RSPO2: variants seen among roughly 807,000 people sequenced by gnomAD.
RSPO2 encodes the protein R-spondin 2.
In RSPO2, 14 loss-of-function variants were observed where a neutral mutation model predicts 30.9. That is an observed-to-expected ratio of 0.45 (90% CI 0.30 to 0.71). The LOEUF (loss-of-function observed/expected upper bound fraction) is 0.71. RSPO2 is among the 30% of genes least tolerant of loss of function. The pLI, the probability that RSPO2 is intolerant of heterozygous loss-of-function variation, is 0.08. For synonymous variants in RSPO2, 107 were observed against 96.4 expected (o/e 1.11, Z -0.64); for missense variants, 264 against 301.9 (o/e 0.87, Z 0.93).
Position 108,014,906 on chromosome 8 carries a change from C to CG in RSPO2, c.95-25663dup, listed in dbSNP as rs957333009. 4.0e-5 allele frequency among the ~76,000 whole-genome samples: 6 copies of CG among 149,508 alleles called. No homozygotes were observed. In the East Asian group the frequency reaches 7.8e-4, roughly 19 times the overall value. On this transcript the variant is annotated intron_variant, in intron 2 of 5. Transcript: ENST00000276659. ...AATAAGTTAGGGATGATGGAGCATT[C>CG]GGGGGGAAAAAAGAACACTGCAGAA...
At chr8:108,020,682 T>C (rs1029330669) in intron 2 of RSPO2, among the ~76,000 whole-genome samples, 7 of 152,168 alleles carry the variant, frequency 4.6e-5, no homozygotes, top group Non-Finnish European at 8.8e-5. Context: ...GTCCTACACA[T>C]TAGGAACACA....
At chr8:107,973,287 G>C (rs1365749494) in intron 3 of RSPO2, among the ~76,000 whole-genome samples, 1 of 151,810 alleles carries the variant, frequency 6.6e-6, no homozygotes, top group East Asian at 1.9e-4. Context: ...AAAATGGGGG[G>C]GGAACTAGCC....
intron 2 of RSPO2, among the ~76,000 whole-genome samples, chr8:108,037,680 G>A (rs1811638567): frequency 6.6e-6 from 1 of 152,220 alleles, no homozygotes; most frequent in South Asian, 2.1e-4. Flanking sequence ...TGACTCTCTT[G>A]TTAGGGGCTA....
rs1814693142 is a variant in RSPO2, at chr8:107,987,673, TCCAGGTGAGAGTTCTTGTTCCC to T, written c.283+1361_283+1382del. 4.6e-5 allele frequency among the ~76,000 whole-genome samples: 7 copies of T among 152,230 alleles called. No individual in the cohort carries two copies. In the South Asian group the frequency reaches 1.4e-3, roughly 32 times the overall value. ...GCATTGCCAAAATGCCAAATAACACTCCAGGTGAGAGTTCTTGTTCCCCAAATACATTATTTTTACATATATG... is the reference window on the plus strand; with the variant it reads ...GCATTGCCAAAATGCCAAATAACACTCAAATACATTATTTTTACATATATG... On this transcript the variant is annotated intron_variant, in intron 3 of 5. Transcript: ENST00000276659.
intron 2 of RSPO2, among the ~76,000 whole-genome samples, chr8:107,992,034 G>T (rs189504297): frequency 2.6e-5 from 4 of 152,234 alleles, no homozygotes; most frequent in Non-Finnish European, 5.9e-5. Flanking sequence ...CCATTACGGG[G>T]TATATACCCA....
chr8:107,919,119 T>C (rs188095007), intron 5 of RSPO2, among the ~76,000 whole-genome samples: 1 of 152,156 alleles, frequency 6.6e-6, no homozygotes, highest in African/African-American at 2.4e-5. Flanking sequence ...TGCAAAGCAG[T>C]TTCACTCCTC....
intron 2 of RSPO2, among the ~76,000 whole-genome samples, chr8:108,040,388 G>A (rs1414414661): frequency 6.6e-6 from 1 of 151,974 alleles, no homozygotes; most frequent in Non-Finnish European, 1.5e-5. Context: ...GGGAGATGAA[G>A]AGAAAGAAAG....
At chr8:107,969,151 G>T (rs1813913469) in intron 3 of RSPO2, among the ~76,000 whole-genome samples, 1 of 152,166 alleles carries the variant, frequency 6.6e-6, no homozygotes, top group East Asian at 1.9e-4. Flanking sequence ...ATAAAAAGGG[G>T]GAAATACCTG....
chr8:107,965,889 T>C (rs545455189), intron 3 of RSPO2, among the ~76,000 whole-genome samples: 3 of 152,146 alleles, frequency 2.0e-5, no homozygotes, highest in African/African-American at 7.2e-5. Flanking sequence ...ACAATTATAC[T>C]GGAGAATGTA....
intron 5 of RSPO2, among the ~76,000 whole-genome samples, chr8:107,906,886 C>G (rs548608643): frequency 6.6e-6 from 1 of 152,012 alleles, no homozygotes; most frequent in East Asian, 1.9e-4. Context: ...ATTAACACAT[C>G]CATCACCTAA....
chr8:108,058,262 A>C (rs556975548), intron 2 of RSPO2, among the ~76,000 whole-genome samples: 3 of 152,208 alleles, frequency 2.0e-5, no homozygotes, highest in Non-Finnish European at 4.4e-5. Context: ...CTTCAAAGAA[A>C]ATAAAATACC....
chr8:107,902,686 C>A (rs1294660955), intron 5 of RSPO2, among the ~76,000 whole-genome samples: 1 of 152,068 alleles, frequency 6.6e-6, no homozygotes, highest in Non-Finnish European at 1.5e-5. Flanking sequence ...CAGGCTTACT[C>A]TTCAAGACCC....
intron 2 of RSPO2, among the ~76,000 whole-genome samples, chr8:108,069,184 G>A: frequency 6.7e-6 from 1 of 149,434 alleles, no homozygotes; most frequent in Non-Finnish European, 1.5e-5. Flanking sequence ...TTCCATTGTT[G>A]GTGCATGTAT....
chr8:107,910,387 G>A (rs1324027011), intron 5 of RSPO2, among the ~76,000 whole-genome samples: 2 of 152,178 alleles, frequency 1.3e-5, no homozygotes, highest in Non-Finnish European at 2.9e-5. Flanking sequence ...ATAAGATAAT[G>A]AGACTGGGCA....
At chr8:107,920,786 A>G (rs1812139600) in intron 5 of RSPO2, among the ~76,000 whole-genome samples, 1 of 152,100 alleles carries the variant, frequency 6.6e-6, no homozygotes, top group Non-Finnish European at 1.5e-5. Flanking sequence ...CACTATGGGA[A>G]TTTTCTATAT....
intron 5 of RSPO2, among the ~76,000 whole-genome samples, chr8:107,917,367 C>CCACTTGTAAT (rs1472795808): frequency 4.6e-5 from 7 of 152,058 alleles, no homozygotes; most frequent in African/African-American, 1.7e-4. Flanking sequence ...TGCCTGTAAT[C>CCACTTGTAAT]CCAGCTACTT....
At chr8:107,957,764 G>T (rs145478912) in intron 5 of RSPO2, among the ~76,000 whole-genome samples, 3 of 152,098 alleles carry the variant, frequency 2.0e-5, no homozygotes, top group Non-Finnish European at 4.4e-5. Context: ...GCCTGATTTC[G>T]TAAGAACCCG....
intron 2 of RSPO2, among the ~76,000 whole-genome samples, chr8:108,060,047 G>C (rs1230175493): frequency 4.6e-5 from 7 of 151,534 alleles, no homozygotes; most frequent in Non-Finnish European, 8.8e-5. Flanking sequence ...CAATACCAGG[G>C]GGTGGTTCCA....
intron 5 of RSPO2, among the ~76,000 whole-genome samples, chr8:107,926,040 A>G (rs1812358952): frequency 6.6e-6 from 1 of 152,066 alleles, no homozygotes; most frequent in South Asian, 2.1e-4. Context: ...AAGTGTTCCT[A>G]TTTCTCCACA....
Sources: gnomAD v4.1 joint callset for allele counts (sites outside exome capture counted in the v4.1 genomes callset) on GRCh38, gnomAD v4.1.1 for gene constraint, MANE v1.5 for transcripts, NCBI Gene and HGNC (gene_info 2026-07-23, HGNC 2026-07-21) for gene names.